The following NEK4 variants were observed in gnomAD, a reference collection of about 807,000 sequenced individuals.
NEK4 encodes NIMA related kinase 4, also known as serine/threonine-protein kinase Nek4.
A neutral mutation model predicts 98.4 loss-of-function variants in NEK4; 86 were observed. The observed-to-expected ratio is 0.87, with a 90% CI of 0.73 to 1.05. The LOEUF (loss-of-function observed/expected upper bound fraction) is 1.05, where lower values mean the gene tolerates loss of function less well. NEK4 is among the 50% of genes least tolerant of loss of function. The probability of loss-of-function intolerance (pLI) is 0.00; values close to 1 mark genes in which losing one functional copy is unlikely to be tolerated. For missense variants in NEK4, 898 were observed against 950.3 expected, an observed-to-expected ratio of 0.94 and a Z score of 0.72; for synonymous variants, 328 against 342.2, an observed-to-expected ratio of 0.96 and a Z score of 0.46.
intron 6 of NEK4, among the ~76,000 whole-genome samples, chr3:52,760,406 G>C (rs780072306): frequency 2.6e-5 from 4 of 152,068 alleles, no homozygotes; most frequent in Non-Finnish European, 5.9e-5. Context: ...TAGTAGAGAT[G>C]AGGGTTCACC....
intron 4 of NEK4, 77 bp downstream of exon 4, chr3:52,765,810 T>A (rs562264111): frequency 1.2e-6 from 1 of 854,436 alleles, no homozygotes; most frequent in South Asian, 1.4e-5. Flanking sequence ...ATCAAAATCA[T>A]CAATGATTTT....
chr3:52,752,047 C>A lies in NEK4; in HGVS notation c.1253G>T (p.Ser418Ile), dbSNP rs369060197. Residue 418 changes from serine to isoleucine, a missense_variant, in exon 7 of 16, where the codon AGT becomes ATT. Coordinates refer to ENST00000233027, the MANE Select transcript of NEK4 (RefSeq NM_003157.6). ...EEMLQDNTKS[S>I]AQPENLIPMW... ...GGGAATCAGGTTTTCAGGCTGGGCA[C>A]TGGATTTAGTGTTGTCCTGCAGCAT... 2.5e-5 allele frequency: 41 copies of A among 1,614,090 alleles called. No individual in the cohort carries two copies. In the South Asian group the frequency reaches 4.4e-4, roughly 17 times the overall value.
At chr3:52,767,283 TA>T (rs146100434) in intron 2 of NEK4, among the ~76,000 whole-genome samples, 8 of 148,098 alleles carry the variant, frequency 5.4e-5, no homozygotes, top group Admixed American at 3.4e-4. Context: ...CACTCTGTCT[TA>T]AAAAAAAAAC....
chr3:52,754,887 C>G (rs168675), intron 6 of NEK4, among the ~76,000 whole-genome samples: 1 of 151,996 alleles, frequency 6.6e-6, no homozygotes, highest in Non-Finnish European at 1.5e-5. Flanking sequence ...TCCTGGCTAA[C>G]ATGGTGAAAC....
intron 6 of NEK4, among the ~76,000 whole-genome samples, chr3:52,756,375 T>C (rs1453957717): frequency 1.3e-5 from 2 of 152,110 alleles, no homozygotes; most frequent in Non-Finnish European, 2.9e-5. Context: ...ATCAAAACAG[T>C]GTAGTATTAG....
intron 5 of NEK4, among the ~76,000 whole-genome samples, chr3:52,762,744 G>A (rs1382945141): frequency 2.0e-5 from 3 of 152,304 alleles, no homozygotes; most frequent in South Asian, 2.1e-4. Flanking sequence ...AGCCGGGCAC[G>A]GTGGCGGGTG....
At chr3:52,733,316 T>G in intron 15 of NEK4, 1 of 356,036 alleles carries the variant, frequency 2.8e-6, no homozygotes, top group Non-Finnish European at 5.6e-6. Context: ...TAACAGCAAT[T>G]CAAACCTTGC....
At position 52,768,327 on chromosome 3, in the gene NEK4, C is replaced by A; in HGVS notation, c.360+11G>T. On this transcript the variant is annotated intron_variant, in intron 2 of 15. Transcript: ENST00000233027. ...GGGAACAAGCTAGGATGCTATTAGT[C>A]TACACAGTACCTGCAAAGCCATGGC... The A allele has an allele frequency of 1.2e-6, 2 of 1,612,952 alleles. No individual in the cohort carries two copies. The highest frequency in any genetic ancestry group is 2.2e-5 in the South Asian group (2 of 90,930).
intron 6 of NEK4, among the ~76,000 whole-genome samples, chr3:52,757,417 G>T (rs1194268340): frequency 1.3e-5 from 2 of 152,106 alleles, no homozygotes; most frequent in African/African-American, 4.8e-5. Context: ...AATTAGCTGG[G>T]CATGATGGCA....
rs774385294 is a variant in NEK4, at chr3:52,741,447, C to G, written c.2057G>C (p.Ser686Thr). 6.2e-7 allele frequency: 1 copy of G among 1,610,862 alleles called. No individual in the cohort carries two copies. The highest frequency in any genetic ancestry group is 1.1e-5 in the South Asian group (1 of 91,008). ...ATCCCCATCTGACTTATCAGTTGAA[C>G]TTGTAGAAGAACTTAACTCATCCTC... Reference protein sequence around the residue: ...LSEDELSSSTSSTDKSDGDYG... With the variant: ...LSEDELSSSTTSTDKSDGDYG... The change falls in exon 13 of 16, where the codon AGT becomes ACT. Residue 686 changes from serine to threonine, a missense_variant. By Grantham distance (58) the Ser-to-Thr change is moderately conservative (BLOSUM62 1). Transcript: ENST00000233027.
At chr3:52,721,577 T>A (rs541060308) in intron 15 of NEK4, among the ~76,000 whole-genome samples, 160 of 150,922 alleles carry the variant, frequency 1.1e-3, no homozygotes, top group Non-Finnish European at 1.3e-3. Flanking sequence ...AAAAAAAAAA[T>A]TTTTTTTAAT....
intron 15 of NEK4, among the ~76,000 whole-genome samples, chr3:52,732,192 G>C (rs915340607): frequency 3.9e-5 from 6 of 152,090 alleles, no homozygotes; most frequent in African/African-American, 1.4e-4. Flanking sequence ...CTCACAGATT[G>C]ATTTCTTTTT....
intron 8 of NEK4, 82 bp downstream of exon 8, chr3:52,749,609 TG>T: frequency 5.9e-6 from 1 of 170,174 alleles, no homozygotes. Flanking sequence ...CGAGGCAGGC[TG>T]ATCACTTGAG....
chr3:52,730,634 T>C (rs997410030), intron 15 of NEK4, among the ~76,000 whole-genome samples: 2 of 152,254 alleles, frequency 1.3e-5, no homozygotes, highest in African/African-American at 4.8e-5. Context: ...AGTCTTGATG[T>C]CAGAGTTGTG....
chr3:52,722,470 CAT>C (rs971803765), intron 15 of NEK4, among the ~76,000 whole-genome samples: 1 of 151,970 alleles, frequency 6.6e-6, no homozygotes, highest in Non-Finnish European at 1.5e-5. Flanking sequence ...TAAATTATCA[CAT>C]GATAAAAACT....
In NEK4 at chr3:52,732,482, A is replaced by G. The variant is rs141893328; in HGVS notation, c.2433+5104T>C. 4.6e-3 allele frequency: 792 copies of G among 173,062 alleles called. 10 individuals carry two copies. The highest frequency in any genetic ancestry group is 0.018 in the African/African-American group (757 of 41,806). The allele number at this position is 173,062 out of a possible 1,614,324, so 10.7% of individuals were successfully genotyped here. ...GGTGTTGGGATTACAGGCGTGAGCC[A>G]CCACACCCGGCCACAGATTGATTTC... is the stretch of plus-strand genomic sequence containing the variant. On this transcript the variant is annotated intron_variant, in intron 15 of 15. Transcript: ENST00000233027.
At chr3:52,767,060 G>C (rs1286679409) in intron 2 of NEK4, among the ~76,000 whole-genome samples, 1 of 151,916 alleles carries the variant, frequency 6.6e-6, no homozygotes, top group Non-Finnish European at 1.5e-5. Flanking sequence ...GAGGTGAGCG[G>C]ATCACTTGAG....
At chr3:52,743,580 A>G in intron 11 of NEK4, 119 bp from the exon 12 acceptor site, 5 of 690,112 alleles carry the variant, frequency 7.2e-6, no homozygotes, top group South Asian at 1.7e-5. Flanking sequence ...GTCAAACAGC[A>G]TATTTATCAT....
chr3:52,748,205 G>A (rs2097399690), intron 8 of NEK4, among the ~76,000 whole-genome samples: 1 of 151,100 alleles, frequency 6.6e-6, no homozygotes, highest in East Asian at 1.9e-4. Flanking sequence ...CTGACCTCAT[G>A]ATCCGCCCGC....
Sources: gnomAD v4.1 joint callset for allele counts (sites outside exome capture counted in the v4.1 genomes callset) on GRCh38, gnomAD v4.1.1 for gene constraint, MANE v1.5 for transcripts, NCBI Gene and HGNC (gene_info 2026-07-23, HGNC 2026-07-21) for gene names.